Variants in MRPS9 observed in about 807,000 individuals in gnomAD.
MRPS9 encodes the protein small ribosomal subunit protein uS9m.
Under a neutral mutation model 59.9 loss-of-function variants are expected in MRPS9, and 45 were observed. The observed-to-expected ratio is 0.75, with a 90% CI of 0.59 to 0.96. MRPS9 has a LOEUF of 0.96. MRPS9 is among the 40% of genes least tolerant of loss of function. The pLI is 0.00. For synonymous variants in MRPS9, 171 were observed against 166.8 expected (o/e 1.03, Z -0.19); for missense variants, 473 against 481.1 (o/e 0.98, Z 0.16).
intron 1 of MRPS9, among the ~76,000 whole-genome samples, chr2:105,048,520 G>A (rs1679649496): frequency 6.6e-6 from 1 of 151,602 alleles, no homozygotes; most frequent in African/African-American, 2.4e-5. Context: ...TTAAAAAAAA[G>A]AAAAATAAAA....
At chr2:105,097,116 A>G (rs763925992) in intron 9 of MRPS9, 39 bp from the exon 10 acceptor site, 13 of 1,427,864 alleles carry the variant, frequency 9.1e-6, no homozygotes, top group Middle Eastern at 1.9e-4. Context: ...ATGTATCTTT[A>G]TAGTAAACGT....
At chr2:105,090,874 TA>T (rs1680544204) in intron 7 of MRPS9, among the ~76,000 whole-genome samples, 1 of 152,226 alleles carries the variant, frequency 6.6e-6, no homozygotes, top group Non-Finnish European at 1.5e-5. Context: ...TTTTCTCATT[TA>T]ATGTATTATA....
In MRPS9 at chr2:105,073,578, T is replaced by G. The variant is rs145642147; in HGVS notation, c.409+2089T>G. On this transcript the variant is annotated intron_variant, in intron 4 of 10. Transcript: ENST00000258455. ...TTTGACACTTATAGTGTACTAACAC[T>G]TTCCTTATTAAAAGATGGAAGCTTC... 3.3e-3 allele frequency among the ~76,000 whole-genome samples: 506 copies of G among 152,266 alleles called. 5 individuals carry two copies. The highest frequency in any genetic ancestry group is 0.011 in the African/African-American group (471 of 41,554).
At chr2:105,051,627 G>C (rs954729289) in intron 2 of MRPS9, among the ~76,000 whole-genome samples, 1 of 152,184 alleles carries the variant, frequency 6.6e-6, no homozygotes, top group Non-Finnish European at 1.5e-5. Context: ...TAGATTTTGA[G>C]AGTATTCCCA....
At chr2:105,059,173 C>T (rs1679850685) in intron 2 of MRPS9, among the ~76,000 whole-genome samples, 1 of 151,352 alleles carries the variant, frequency 6.6e-6, no homozygotes, top group Non-Finnish European at 1.5e-5. Context: ...AACAACTTTG[C>T]CAAGTTAAAT....
chr2:105,043,957 A>T (rs570070173), intron 1 of MRPS9, among the ~76,000 whole-genome samples: 1 of 142,736 alleles, frequency 7.0e-6, no homozygotes, highest in East Asian at 2.1e-4. Context: ...TTTTTCTAAG[A>T]TGGAGTCTTG....
At position 105,076,644 on chromosome 2, in the gene MRPS9, A is replaced by T. The variant is rs117414743; in HGVS notation, c.410-3339A>T. 2.8e-3 allele frequency among the ~76,000 whole-genome samples: 419 copies of T among 152,348 alleles called. 13 individuals carry two copies. In the East Asian group the frequency reaches 0.064, roughly 23 times the overall value. On this transcript the variant is annotated intron_variant, in intron 4 of 10. Coordinates refer to ENST00000258455, the MANE Select transcript of MRPS9 (RefSeq NM_182640.3). ...TGGAGTTAAGAAATTCAAACTCTAGAACAGAAATAAGGTGGCTAGTTGAAG... is the reference window on the plus strand; with the variant it reads ...TGGAGTTAAGAAATTCAAACTCTAGTACAGAAATAAGGTGGCTAGTTGAAG...
chr2:105,073,470 T>C (rs936257131), intron 4 of MRPS9, among the ~76,000 whole-genome samples: 20 of 152,172 alleles, frequency 1.3e-4, no homozygotes, highest in African/African-American at 4.8e-4. Flanking sequence ...TACCTCCCAA[T>C]TTTGTTGTAT....
At chr2:105,064,553 G>A (rs1326152410) in intron 2 of MRPS9, among the ~76,000 whole-genome samples, 3 of 152,172 alleles carry the variant, frequency 2.0e-5, no homozygotes, top group South Asian at 2.1e-4. Context: ...AAAGAGAAAG[G>A]TGGGCCTCAC....
intron 2 of MRPS9, among the ~76,000 whole-genome samples, chr2:105,066,661 G>A (rs1401664526): frequency 1.3e-5 from 2 of 151,830 alleles, no homozygotes; most frequent in South Asian, 2.1e-4. Flanking sequence ...TCTCCTTTGT[G>A]GTTGCAGTGT....
Position 105,060,027 on chromosome 2 carries a change from A to G in MRPS9, c.315+10677A>G, listed in dbSNP as rs1429559807. ...TAACAGGAAAACTGCTAAAAAAAAA[A>G]AAAAAAAAAAAAGACCCTGAAGTAT... On this transcript the variant is annotated intron_variant, in intron 2 of 10. Transcript: ENST00000258455. Among the ~76,000 whole-genome samples, 273 of 151,364 alleles carry G rather than the reference A, an allele frequency of 1.8e-3. 3 individuals carry two copies. Among genetic ancestry groups the G allele is most frequent in the African/African-American group, 6.0e-3 (250 of 41,404 alleles).
In MRPS9 at chr2:105,064,003, G is replaced by A. The variant is rs549328693; in HGVS notation, c.316-7310G>A. 2.0e-5 allele frequency among the ~76,000 whole-genome samples: 3 copies of A among 152,296 alleles called. No individual in the cohort carries two copies. The South Asian group carries it at 6.2e-4, about 32-fold the overall frequency. ...GTAGAAAGCAAAATAAGTTATTTGAGGAACAGTTTTGGATGTGCTGTTTGG... is the reference window on the plus strand; with the variant it reads ...GTAGAAAGCAAAATAAGTTATTTGAAGAACAGTTTTGGATGTGCTGTTTGG... On this transcript the variant is annotated intron_variant, in intron 2 of 10. Coordinates refer to ENST00000258455, the MANE Select transcript of MRPS9 (RefSeq NM_182640.3).
chr2:105,052,097 A>G (rs376521583), intron 2 of MRPS9, among the ~76,000 whole-genome samples: 119 of 92,642 alleles, frequency 1.3e-3, no homozygotes, highest in African/African-American at 4.6e-3. Flanking sequence ...CATTTTTCCT[A>G]TTTGGATACC....
At chr2:105,080,373 A>C (rs1198588816) in intron 5 of MRPS9, among the ~76,000 whole-genome samples, 1 of 152,186 alleles carries the variant, frequency 6.6e-6, no homozygotes, top group Non-Finnish European at 1.5e-5. Context: ...AAGAAGGAGG[A>C]GGCCAAGTGT....
At chr2:105,099,621 G>C (rs1228432227) in intron 10 of MRPS9, 49 bp from the exon 11 acceptor site, 1 of 1,553,418 alleles carries the variant, frequency 6.4e-7, no homozygotes, top group East Asian at 2.3e-5. Context: ...TTTCTTCTGG[G>C]CAGCATGCAT....
At chr2:105,098,403 C>T (rs1022585571) in intron 10 of MRPS9, 4 of 152,128 alleles carry the variant, frequency 2.6e-5, no homozygotes, top group African/African-American at 9.7e-5. Context: ...TAGTACAAGC[C>T]GCTGAGGTTC....
intron 4 of MRPS9, among the ~76,000 whole-genome samples, chr2:105,076,134 C>T (rs74589394): frequency 0.018 from 2,697 of 152,294 alleles, 81 homozygotes; most frequent in African/African-American, 0.062. Context: ...ATTAGAATTT[C>T]AGCAGACTAC....
chr2:105,039,507 C>A (rs189512986), intron 1 of MRPS9, among the ~76,000 whole-genome samples: 27 of 152,196 alleles, frequency 1.8e-4, no homozygotes, highest in Middle Eastern at 3.4e-3. Context: ...ATCTATTCTT[C>A]TATGTTTTTT....
intron 5 of MRPS9, among the ~76,000 whole-genome samples, chr2:105,081,043 G>C (rs73945034): frequency 0.2 from 30,217 of 152,154 alleles, 3,134 homozygotes; most frequent in Middle Eastern, 0.35. Context: ...GCTCCGGCTC[G>C]GTAGAGGTTC....
Sources: allele counts gnomAD v4.1 joint callset (sites outside exome capture counted in the v4.1 genomes callset), GRCh38; gene constraint gnomAD v4.1.1; transcripts MANE v1.5; gene names NCBI Gene and HGNC (gene_info 2026-07-23, HGNC 2026-07-21).